The following C1orf94 variants were observed in gnomAD, a reference collection of about 807,000 sequenced individuals.
C1orf94 encodes the protein uncharacterized protein C1orf94.
In C1orf94, 45 loss-of-function variants were observed where a neutral mutation model predicts 53.6. That is an observed-to-expected ratio of 0.84 (90% CI 0.66 to 1.08). The LOEUF is 1.08. Among genes scored for constraint, C1orf94 ranks in the 50% least tolerant of loss-of-function variants. The probability of loss-of-function intolerance (pLI) is 0.00; values close to 1 mark genes in which losing one functional copy is unlikely to be tolerated. For missense variants in C1orf94, 762 were observed against 738.9 expected (o/e 1.03, Z -0.36); for synonymous variants, 304 against 296.1 (o/e 1.03, Z -0.27).
rs1411712412 is a variant in C1orf94 at position 34,201,046 on chromosome 1, C to T, written c.1270+14C>T. ...CGGAGCTGAAATGTGAGCTGACCTA[C>T]CCAGGGAGGGATTGGAGGGGAGGGG... On this transcript the variant is annotated intron_variant, in intron 3 of 6. Coordinates refer to ENST00000488417, the MANE Select transcript of C1orf94 (RefSeq NM_001134734.2). 2.5e-6 allele frequency: 4 copies of T among 1,570,570 alleles called. No individual in the cohort carries two copies. Among genetic ancestry groups the T allele is most frequent in the South Asian group, 1.2e-5 (1 of 86,206 alleles).
chr1:34,178,991 GA>G (rs1642273617), intron 1 of C1orf94, among the ~76,000 whole-genome samples: 4 of 152,212 alleles, frequency 2.6e-5, no homozygotes, highest in Non-Finnish European at 5.9e-5. Flanking sequence ...GCTAATTAAA[GA>G]CTAACCGATA....
At chr1:34,175,518 A>G (rs2148609610), upstream of C1orf94, among the ~76,000 whole-genome samples, 1 of 152,316 alleles carries the variant, frequency 6.6e-6, no homozygotes. Flanking sequence ...AATTTTCCCC[A>G]AAGGAACACA....
At chr1:34,213,831 G>C (rs562805577) in intron 6 of C1orf94, among the ~76,000 whole-genome samples, 1 of 151,958 alleles carries the variant, frequency 6.6e-6, no homozygotes, top group Non-Finnish European at 1.5e-5. Flanking sequence ...ATGAGCCACC[G>C]TGCCCAGCAT....
At position 34,201,015 on chromosome 1, in the gene C1orf94, A is replaced by T; in HGVS notation, c.1253A>T (p.Asp418Val). 1 of 1,599,072 alleles carries T rather than the reference A, an allele frequency of 6.3e-7. No individual in the cohort carries two copies. Among genetic ancestry groups the T allele is most frequent in the Non-Finnish European group, 8.5e-7 (1 of 1,172,518 alleles). ...AGACTTCGAAACAAAGTGGAAGTGG[A>T]TGGGCCGGAGCTGAAATGTGAGCTG... The part of the protein sequence containing the change: ...QPRLRNKVEV[D>V]GPELKFNAPV... The change falls in exon 3 of 7, where the codon GAT (aspartate) becomes GTT (valine). Residue 418 changes from aspartate to valine, a missense_variant. Transcript: ENST00000488417.
chr1:34,215,744 G>A (rs927445872), intron 6 of C1orf94, among the ~76,000 whole-genome samples: 1 of 152,198 alleles, frequency 6.6e-6, no homozygotes, highest in Non-Finnish European at 1.5e-5. Context: ...AGTGGCTCAC[G>A]CCTGTAATCC....
chr1:34,199,475 T>C (rs1642659651), intron 2 of C1orf94, among the ~76,000 whole-genome samples: 1 of 152,220 alleles, frequency 6.6e-6, no homozygotes, highest in Admixed American at 6.5e-5. Context: ...GCTGGAATAG[T>C]GCTAGGAAGA....
At chr1:34,195,937 C>T (rs1427721400) in intron 1 of C1orf94, among the ~76,000 whole-genome samples, 2 of 152,218 alleles carry the variant, frequency 1.3e-5, no homozygotes, top group Non-Finnish European at 2.9e-5. Context: ...GCTGGACCTC[C>T]AGACTGCAAA....
intron 4 of C1orf94, among the ~76,000 whole-genome samples, chr1:34,207,359 G>A (rs1252118524): frequency 1.3e-5 from 2 of 151,942 alleles, no homozygotes; most frequent in Non-Finnish European, 2.9e-5. Context: ...TGAGTAAAAT[G>A]TCAATTTCCC....
rs780862343 is a variant in C1orf94 at position 34,182,666 on chromosome 1, T to A, written c.320+4557T>A. ...TGATTTGGGTACACAAACAGACACA[T>A]TGAGGCTCATGCTCTGCTTCACGCA... On this transcript the variant is annotated intron_variant, in intron 1 of 6. Coordinates refer to ENST00000488417, the MANE Select transcript of C1orf94 (RefSeq NM_001134734.2). Among the ~76,000 whole-genome samples the A allele has an allele frequency of 3.0e-4, 46 of 152,146 alleles. 1 individual carries two copies. The highest frequency in any genetic ancestry group is 6.0e-4 in the Non-Finnish European group (41 of 68,022).
At chr1:34,173,107 G>A (rs1449792615), upstream of C1orf94, among the ~76,000 whole-genome samples, 2 of 152,158 alleles carry the variant, frequency 1.3e-5, no homozygotes, top group Admixed American at 1.3e-4. Flanking sequence ...TTAACTGTTG[G>A]ATTTAGTAGT....
intron 4 of C1orf94, among the ~76,000 whole-genome samples, chr1:34,204,200 T>G (rs975122361): frequency 2.0e-5 from 3 of 152,170 alleles, no homozygotes; most frequent in African/African-American, 7.2e-5. Context: ...GCACAAACCT[T>G]ATGTCCTATT....
At chr1:34,210,247 G>C (rs297793) in intron 5 of C1orf94, among the ~76,000 whole-genome samples, 38,051 of 152,170 alleles carry the variant, frequency 0.25, 5,171 homozygotes, top group African/African-American at 0.35. Context: ...CTGACCCATA[G>C]GGTCATGACT....
chr1:34,169,596 T>TGAGA (rs568952022), intron 1 of C1orf94, among the ~76,000 whole-genome samples: 4,335 of 97,236 alleles, frequency 0.045, 222 homozygotes, highest in African/African-American at 0.087. Context: ...CTTCTGAAGC[T>TGAGA]GAGAGAGAGA....
rs1382751105 is a variant in C1orf94 at position 34,178,092 on chromosome 1, G to A, written c.303G>A (p.Glu101=). Residue 101 remains glutamate (E), a synonymous_variant, in exon 1 of 7, where the codon GAG becomes GAA. Transcript: ENST00000488417. ...VPVVGTLRGN[E]LSFQEEALEL... is the part of the protein sequence containing the mutation. Reference sequence around the variant, plus strand: ...TGGTTGGAACTCTAAGAGGCAATGAGCTCAGCTTTCAAGAAGAGTAAGTAC... The same window carrying A: ...TGGTTGGAACTCTAAGAGGCAATGAACTCAGCTTTCAAGAAGAGTAAGTAC... 1.9e-6 allele frequency: 3 copies of A among 1,551,414 alleles called. No individual in the cohort carries two copies. Among genetic ancestry groups the A allele is most frequent in the Non-Finnish European group, 2.6e-6 (3 of 1,146,854 alleles).
At chr1:34,185,579 A>G (rs1642373053) in intron 1 of C1orf94, among the ~76,000 whole-genome samples, 1 of 152,178 alleles carries the variant, frequency 6.6e-6, no homozygotes, top group Non-Finnish European at 1.5e-5. Flanking sequence ...TAGTGCTGGC[A>G]GACACTGGCT....
intron 1 of C1orf94, among the ~76,000 whole-genome samples, chr1:34,193,902 A>G (rs1212706035): frequency 6.6e-6 from 1 of 152,190 alleles, no homozygotes. Flanking sequence ...TGACACACCA[A>G]TGCCAGCTTT....
Position 34,197,350 on chromosome 1 carries a change from G to C in C1orf94, c.446G>C (p.Ser149Thr). Residue 149 changes from serine (S) to threonine (T), a missense_variant, in exon 2 of 7, where the codon AGC becomes ACC. Ser to Thr is a moderately conservative substitution (Grantham distance 58). Transcript: ENST00000488417. The surrounding 1 kb of genome is among the most constrained non-coding windows in gnomAD (Gnocchi z 4.1). ...TCTGGGGAGCTGGAGGTACCCGGCA[G>C]CTCTCCCGAGGGGACCAGAGAGCTG... ...ESSGELEVPG[S>T]SPEGTRELAP... The C allele has an allele frequency of 6.2e-7, 1 of 1,601,976 alleles. No homozygotes were observed. The highest frequency in any genetic ancestry group is 1.7e-5 in the Admixed American group (1 of 57,812).
intron 4 of C1orf94, among the ~76,000 whole-genome samples, chr1:34,207,160 A>G (rs1642809896): frequency 6.6e-6 from 1 of 152,034 alleles, no homozygotes. Context: ...GCTGAGGGGT[A>G]CTTTGGGTTT....
At position 34,201,020 on chromosome 1, in the gene C1orf94, C is replaced by T. The variant is rs774474330; in HGVS notation, c.1258C>T (p.Pro420Ser). 6.3e-7 allele frequency: 1 copy of T among 1,594,064 alleles called. No homozygotes were observed. Among genetic ancestry groups the T allele is most frequent in the Non-Finnish European group, 8.5e-7 (1 of 1,169,936 alleles). ...TCGAAACAAAGTGGAAGTGGATGGG[C>T]CGGAGCTGAAATGTGAGCTGACCTA... Reference protein sequence around the residue: ...RLRNKVEVDGPELKFNAPVTV... With the variant: ...RLRNKVEVDGSELKFNAPVTV... Residue 420 changes from proline to serine, a missense_variant, in exon 3 of 7, where the codon CCG becomes TCG. Transcript: ENST00000488417.
Sources: gnomAD v4.1 joint callset for allele counts (sites outside exome capture counted in the v4.1 genomes callset) on GRCh38, gnomAD v4.1.1 for gene constraint, Gnocchi (gnomAD v3.1) non-coding constraint, MANE v1.5 for transcripts, NCBI Gene and HGNC (gene_info 2026-07-23, HGNC 2026-07-21) for gene names.